LRRC72: variants seen among roughly 807,000 people sequenced by gnomAD.
LRRC72 encodes leucine rich repeat containing 72, also known as leucine-rich repeat-containing protein 72.
In LRRC72, 41 loss-of-function variants were observed where a neutral mutation model predicts 35.8. The ratio of observed to expected loss-of-function variants is 1.15; its 90% CI spans 0.89 to 1.49. LRRC72 has a LOEUF of 1.49. Among genes scored for constraint, LRRC72 ranks in the 40% most tolerant of loss-of-function variants. The probability of loss-of-function intolerance (pLI) is 0.00; values close to 1 mark genes in which losing one functional copy is unlikely to be tolerated. For synonymous variants in LRRC72, 118 were observed against 119.2 expected (o/e 0.99, Z 0.07); for missense variants, 389 against 330.7 (o/e 1.18, Z -1.37).
At chr7:16,543,990 T>G (rs1244810436) in intron 3 of LRRC72, among the ~76,000 whole-genome samples, 2 of 152,204 alleles carry the variant, frequency 1.3e-5, no homozygotes, top group African/African-American at 2.4e-5. Flanking sequence ...AGCATCCTAT[T>G]TGGATATAGC....
chr7:16,538,625 G>A (rs912221116), intron 3 of LRRC72, among the ~76,000 whole-genome samples: 1 of 152,170 alleles, frequency 6.6e-6, no homozygotes, highest in Non-Finnish European at 1.5e-5. Flanking sequence ...TACCAGATAT[G>A]GTTTGGCTCT....
chr7:16,526,926 C>G lies in LRRC72; in HGVS notation c.-27C>G, dbSNP rs1257372582. The G allele has an allele frequency of 6.5e-7, 1 of 1,530,550 alleles. No individual in the cohort carries two copies. Among genetic ancestry groups the G allele is most frequent in the Admixed American group, 2.0e-5 (1 of 50,982 alleles). The allele number at this position is 1,530,550 out of a possible 1,614,324, so 94.8% of individuals were successfully genotyped here. On this transcript the variant is annotated 5_prime_UTR_variant, in exon 1 of 9. Transcript: ENST00000401542. ...CGGCGGGCGAGGCCGGATTAATCAC[C>G]GCTGCTTCGGCCGCCCATGTGTCCT...
rs1583639515 is a variant in LRRC72, at chr7:16,544,343, G to C, written c.234+6647G>C. ...ATCCTAGCTTTCCTAGATTTGCTTT[G>C]GCAACTCTAGTTCTTTCATTATGCT... On this transcript the variant is annotated intron_variant, in intron 3 of 8. Transcript: ENST00000401542. Among the ~76,000 whole-genome samples the C allele has an allele frequency of 3.3e-5, 5 of 152,140 alleles. No homozygotes were observed. In the South Asian group the frequency reaches 1.0e-3, roughly 31 times the overall value.
intron 5 of LRRC72, among the ~76,000 whole-genome samples, chr7:16,562,115 A>C (rs1782753394): frequency 6.6e-6 from 1 of 152,150 alleles, no homozygotes; most frequent in African/African-American, 2.4e-5. Flanking sequence ...AGCTTCAGGG[A>C]GGCCTAAACC....
chr7:16,568,317 TC>T (rs1175998665), intron 7 of LRRC72, among the ~76,000 whole-genome samples: 1 of 152,116 alleles, frequency 6.6e-6, no homozygotes, highest in Non-Finnish European at 1.5e-5. Flanking sequence ...AAAGGTAAAA[TC>T]CTTTTCTTTA....
intron 2 of LRRC72, chr7:16,536,836 C>A (rs1393121287): frequency 6.6e-6 from 1 of 151,944 alleles, no homozygotes; most frequent in East Asian, 1.9e-4. Flanking sequence ...TGAAAAGTAC[C>A]TGGCACACAA....
At chr7:16,545,723 C>G (rs755580072) in intron 3 of LRRC72, among the ~76,000 whole-genome samples, 1 of 152,002 alleles carries the variant, frequency 6.6e-6, no homozygotes, top group Non-Finnish European at 1.5e-5. Context: ...ATATTTTGCT[C>G]CATATTTTAA....
At chr7:16,532,002 TC>T (rs1350336106) in intron 1 of LRRC72, among the ~76,000 whole-genome samples, 5 of 152,172 alleles carry the variant, frequency 3.3e-5, no homozygotes, top group African/African-American at 1.2e-4. Flanking sequence ...TTTCACATTT[TC>T]TGAGAATTTA....
At chr7:16,576,659 T>G (rs1783045730) in intron 7 of LRRC72, among the ~76,000 whole-genome samples, 1 of 152,208 alleles carries the variant, frequency 6.6e-6, no homozygotes, top group African/African-American at 2.4e-5. Flanking sequence ...GAACCTGATT[T>G]GCAGATTTTT....
At chr7:16,560,101 T>C (rs1484356538) in intron 5 of LRRC72, among the ~76,000 whole-genome samples, 1 of 152,180 alleles carries the variant, frequency 6.6e-6, no homozygotes, top group Non-Finnish European at 1.5e-5. Flanking sequence ...AGATAAAGGA[T>C]TCTGGGTGTA....
intron 2 of LRRC72, among the ~76,000 whole-genome samples, chr7:16,536,526 A>T (rs1213932331): frequency 6.6e-6 from 1 of 152,104 alleles, no homozygotes; most frequent in African/African-American, 2.4e-5. Flanking sequence ...CAATAAATAT[A>T]TAAATTAGAT....
At chr7:16,527,082 GC>G (rs1288805410) in intron 1 of LRRC72, 40 bp downstream of exon 1, 4 of 1,503,956 alleles carry the variant, frequency 2.7e-6, no homozygotes, top group Non-Finnish European at 2.7e-6. Flanking sequence ...AGCCCCTTTG[GC>G]CCCCTGCCCC....
chr7:16,540,353 C>T (rs1394954667), intron 3 of LRRC72, among the ~76,000 whole-genome samples: 1 of 152,216 alleles, frequency 6.6e-6, no homozygotes, highest in Admixed American at 6.5e-5. Flanking sequence ...TACCCAATGC[C>T]TGTACCTCCA....
chr7:16,551,255 C>G (rs1344007368), intron 3 of LRRC72, among the ~76,000 whole-genome samples: 1 of 152,154 alleles, frequency 6.6e-6, no homozygotes, highest in Non-Finnish European at 1.5e-5. Flanking sequence ...CTTTTTGAAG[C>G]CATTCTTTAT....
chr7:16,570,598 C>A (rs1376839907), intron 7 of LRRC72, among the ~76,000 whole-genome samples: 1 of 152,120 alleles, frequency 6.6e-6, no homozygotes, highest in East Asian at 1.9e-4. Flanking sequence ...GTGGGCGGAT[C>A]ACCTGAGGTC....
intron 3 of LRRC72, among the ~76,000 whole-genome samples, chr7:16,539,547 G>C (rs1238878709): frequency 6.6e-6 from 1 of 152,202 alleles, no homozygotes; most frequent in African/African-American, 2.4e-5. Context: ...AGAAATTCAA[G>C]CCAGCCGCAG....
In LRRC72 at chr7:16,554,057, G is replaced by A. The variant is rs535942010; in HGVS notation, c.235-3303G>A. 1.2e-4 allele frequency among the ~76,000 whole-genome samples: 18 copies of A among 152,264 alleles called. No homozygotes were observed. In the South Asian group the frequency reaches 1.9e-3, roughly 16 times the overall value. On this transcript the variant is annotated intron_variant, in intron 3 of 8. Coordinates refer to ENST00000401542, the MANE Select transcript of LRRC72 (RefSeq NM_001195280.2). ...ATAATAACATTTTACGGCCAGGTGC[G>A]GTGGCTCACACCTGTAATCCCAGCA...
intron 3 of LRRC72, among the ~76,000 whole-genome samples, chr7:16,550,524 G>A (rs1292752981): frequency 6.6e-6 from 1 of 152,158 alleles, no homozygotes; most frequent in Non-Finnish European, 1.5e-5. Flanking sequence ...CATATAATAT[G>A]AATTGAAAGA....
Position 16,567,537 on chromosome 7 carries a change from C to T in LRRC72, c.664C>T (p.Pro222Ser). ...PFKQKPAQRV[P>S]SDFAFANNVD... ...TAAGCAAAAACCAGCCCAGAGAGTA[C>T]CTTCAGGTATTTCGTAAAAAAAAAA... The change falls in exon 7 of 9, where the codon CCT (proline) becomes TCT (serine). Residue 222 changes from proline (P) to serine (S), a missense_variant. Pro to Ser is a moderately conservative substitution (Grantham distance 74). Coordinates refer to ENST00000401542, the MANE Select transcript of LRRC72 (RefSeq NM_001195280.2). 1 of 1,354,044 alleles carries T rather than the reference C, an allele frequency of 7.4e-7. No homozygotes were observed. Among genetic ancestry groups the T allele is most frequent in the Non-Finnish European group, 9.6e-7 (1 of 1,039,020 alleles). 83.9% of individuals were successfully genotyped at this position (1,354,044 alleles called of 1,614,324 possible).
Sources: gnomAD v4.1 joint callset for allele counts (sites outside exome capture counted in the v4.1 genomes callset) on GRCh38, gnomAD v4.1.1 for gene constraint, MANE v1.5 for transcripts, NCBI Gene and HGNC (gene_info 2026-07-23, HGNC 2026-07-21) for gene names.